CD82: variants seen among roughly 807,000 people sequenced by gnomAD.
CD82 encodes the protein CD82 molecule, also known as CD82 antigen.
Under a neutral mutation model 37.4 loss-of-function variants are expected in CD82, and 36 were observed. The observed-to-expected ratio is 0.96, with a 90% CI of 0.74 to 1.27. The LOEUF is 1.27. CD82 is among the 50% of genes most tolerant of loss of function. The pLI is 0.00. For missense variants in CD82, 340 were observed against 347.0 expected, an observed-to-expected ratio of 0.98 and a Z score of 0.16; for synonymous variants, 158 against 137.4, an observed-to-expected ratio of 1.15 and a Z score of -1.05.
At chr11:44,579,978 G>A (rs1482304495) in intron 1 of CD82, among the ~76,000 whole-genome samples, 1 of 152,156 alleles carries the variant, frequency 6.6e-6, no homozygotes, top group Non-Finnish European at 1.5e-5. Flanking sequence ...GAAACAGGGA[G>A]TGACAAGGAA....
At chr11:44,601,605 G>A (rs1187970825) in intron 4 of CD82, among the ~76,000 whole-genome samples, 3 of 152,208 alleles carry the variant, frequency 2.0e-5, no homozygotes, top group African/African-American at 7.2e-5. Context: ...TGCAACTGGC[G>A]CAGTGGGGGT....
At chr11:44,571,545 G>T (rs904200882) in intron 1 of CD82, among the ~76,000 whole-genome samples, 1 of 152,116 alleles carries the variant, frequency 6.6e-6, no homozygotes, top group Non-Finnish European at 1.5e-5. Context: ...TGCTATATAT[G>T]TTCCTGCTGC....
chr11:44,611,404 T>C (rs919445), intron 6 of CD82, among the ~76,000 whole-genome samples: 24,884 of 152,150 alleles, frequency 0.16, 2,951 homozygotes, highest in East Asian at 0.49. Flanking sequence ...TCCTACCACA[T>C]TGATGGAAAG....
Position 44,619,106 on chromosome 11 carries a change from A to G in CD82, c.784A>G (p.Ser262Gly), listed in dbSNP as rs754925345. 1 of 1,613,174 alleles carries G rather than the reference A, an allele frequency of 6.2e-7. No individual in the cohort carries two copies. Among genetic ancestry groups the G allele is most frequent in the Non-Finnish European group, 8.5e-7 (1 of 1,179,776 alleles). The change falls in exon 10 of 10, where the codon AGC becomes GGC. Residue 262 changes from serine to glycine, a missense_variant. Ser to Gly is a moderately conservative substitution (Grantham distance 56, BLOSUM62 0). Transcript: ENST00000227155. ...LCRHVHSEDY[S>G]KVPKY ...CCGGCACGTCCATTCCGAAGACTACAGCAAGGTCCCCAAGTACTGAGGCAG... is the reference window on the plus strand; with the variant it reads ...CCGGCACGTCCATTCCGAAGACTACGGCAAGGTCCCCAAGTACTGAGGCAG...
At chr11:44,568,797 G>T (rs763826505) in intron 1 of CD82, among the ~76,000 whole-genome samples, 1 of 152,134 alleles carries the variant, frequency 6.6e-6, no homozygotes, top group African/African-American at 2.4e-5. Context: ...CCACCCTGGG[G>T]ACCCAAACCT....
At chr11:44,594,599 C>A (rs775405439) in intron 2 of CD82, 44 bp from the exon 3 acceptor site, 51 of 1,262,790 alleles carry the variant, frequency 4.0e-5, no homozygotes, top group Non-Finnish European at 5.8e-6. Flanking sequence ...CAAGGGCAGA[C>A]TGAGCTGATC....
chr11:44,565,573 C>CGT (rs1277053085), upstream of CD82: 2 of 136,774 alleles, frequency 1.5e-5, no homozygotes, highest in Non-Finnish European at 3.2e-5. Flanking sequence ...GCGGAGGGGG[C>CGT]GTGTCTTCTG....
At chr11:44,586,195 G>C (rs1037843552) in intron 1 of CD82, among the ~76,000 whole-genome samples, 1 of 152,226 alleles carries the variant, frequency 6.6e-6, no homozygotes. Context: ...GTCTCTGGCA[G>C]TGGGGGCCGG....
intron 4 of CD82, chr11:44,604,695 A>C: frequency 3.1e-6 from 1 of 320,978 alleles, no homozygotes; most frequent in Non-Finnish European, 6.0e-6. Flanking sequence ...TTCCCCAGGA[A>C]TAAAGTGAAG....
At chr11:44,574,151 A>G (rs1381256682) in intron 1 of CD82, among the ~76,000 whole-genome samples, 1 of 152,144 alleles carries the variant, frequency 6.6e-6, no homozygotes, top group African/African-American at 2.4e-5. Context: ...ATCTGAACCC[A>G]GCCTTGAGCT....
At chr11:44,614,441 C>T (rs1320307528) in intron 6 of CD82, among the ~76,000 whole-genome samples, 1 of 152,210 alleles carries the variant, frequency 6.6e-6, no homozygotes, top group Non-Finnish European at 1.5e-5. Flanking sequence ...GTTAGGTGTG[C>T]ATTCAGCATT....
chr11:44,577,297 A>G (rs1040736616), intron 1 of CD82, among the ~76,000 whole-genome samples: 1 of 152,068 alleles, frequency 6.6e-6, no homozygotes, highest in African/African-American at 2.4e-5. Context: ...ACTCTCACAC[A>G]TGGGTGCCTG....
chr11:44,585,768 CTG>C (rs1415757702), intron 1 of CD82, among the ~76,000 whole-genome samples: 1 of 152,216 alleles, frequency 6.6e-6, no homozygotes, highest in African/African-American at 2.4e-5. Context: ...GAGCTCCAGA[CTG>C]GGAATCTTAA....
intron 2 of CD82, among the ~76,000 whole-genome samples, chr11:44,591,652 G>A (rs1853146739): frequency 6.6e-6 from 1 of 152,080 alleles, no homozygotes; most frequent in African/African-American, 2.4e-5. Context: ...TGTGTGACTT[G>A]GGCAAGTTAC....
intron 1 of CD82, among the ~76,000 whole-genome samples, chr11:44,574,515 T>C (rs1418635976): frequency 2.0e-5 from 3 of 152,118 alleles, no homozygotes; most frequent in Non-Finnish European, 4.4e-5. Flanking sequence ...GATTCTGACA[T>C]AGGAAGGAGA....
At chr11:44,581,640 C>T (rs773754744) in intron 1 of CD82, among the ~76,000 whole-genome samples, 33 of 152,184 alleles carry the variant, frequency 2.2e-4, no homozygotes, top group Non-Finnish European at 4.4e-4. Flanking sequence ...ACTCCAGCTC[C>T]GGGCCAACCT....
At chr11:44,598,334 A>C (rs1490188418) in intron 3 of CD82, among the ~76,000 whole-genome samples, 2 of 151,070 alleles carry the variant, frequency 1.3e-5, no homozygotes, top group African/African-American at 4.9e-5. Flanking sequence ...AACATTGATA[A>C]TACTGATACT....
At chr11:44,594,618 G>A in intron 2 of CD82, 25 bp from the exon 3 acceptor site, 1 of 1,496,018 alleles carries the variant, frequency 6.7e-7, no homozygotes, top group Non-Finnish European at 9.3e-7. Context: ...TCCCCTCACT[G>A]GCCTGCCTGC....
intron 6 of CD82, among the ~76,000 whole-genome samples, chr11:44,608,747 G>T (rs1177000496): frequency 6.6e-6 from 1 of 152,254 alleles, no homozygotes; most frequent in Admixed American, 6.5e-5. Flanking sequence ...CCCCATTCGG[G>T]TGTCCCTAGG....
Sources: allele counts gnomAD v4.1 joint callset (sites outside exome capture counted in the v4.1 genomes callset), GRCh38; gene constraint gnomAD v4.1.1; transcripts MANE v1.5; gene names NCBI Gene and HGNC (gene_info 2026-07-23, HGNC 2026-07-21).